The following IFT172 variants were observed in gnomAD, a reference collection of about 807,000 sequenced individuals.
IFT172 encodes intraflagellar transport 172.
IFT172 carries 164 observed loss-of-function variants against 248.9 expected under a neutral mutation model. That is an observed-to-expected ratio of 0.66 (90% CI 0.58 to 0.75). IFT172 has a LOEUF of 0.75. Among genes scored for constraint, IFT172 ranks in the 30% least tolerant of loss-of-function variants. The pLI, the probability that IFT172 is intolerant of heterozygous loss-of-function variation, is 0.00. For missense variants in IFT172, 1,950 were observed against 2,192.4 expected (o/e 0.89, Z 2.21); for synonymous variants, 729 against 791.6 (o/e 0.92, Z 1.33).
At chr2:27,470,438 C>G (rs1667475981) in intron 16 of IFT172, among the ~76,000 whole-genome samples, 1 of 152,196 alleles carries the variant, frequency 6.6e-6, no homozygotes, top group Non-Finnish European at 1.5e-5. Flanking sequence ...ATCAAGCGCT[C>G]TACCCATACA....
In IFT172 at chr2:27,444,471, C is replaced by T; in HGVS notation, c.5211G>A (p.Trp1737Ter). 6.2e-7 allele frequency: 1 copy of T among 1,613,676 alleles called. No homozygotes were observed. The change falls in exon 48 of 48, where the codon TGG becomes TGA. Residue 1737 changes from tryptophan to a stop codon, truncating the protein, a stop_gained. Coordinates refer to ENST00000260570, the MANE Select transcript of IFT172 (RefSeq NM_015662.3). LOFTEE classifies it high-confidence loss of function. Reference sequence around the variant, plus strand: ...AGCTGGTGCTGGGGAGCCCTCCACACCACTGACTGATGAATTTCAGCACGT... The same window carrying T: ...AGCTGGTGCTGGGGAGCCCTCCACATCACTGACTGATGAATTTCAGCACGT... ...CQDVLKFISQ[W>*]CGGLPSTSFS...
chr2:27,445,774 C>T lies in IFT172; in HGVS notation c.4885G>A (p.Val1629Met). The change falls in exon 45 of 48, where the codon GTG (valine) becomes ATG (methionine). Residue 1629 changes from valine (V) to methionine (M), a missense_variant. Physicochemically the swap from Val to Met is conservative, Grantham distance 21. Around this residue, in one of 3 missense-constraint regions of IFT172, gnomAD observed 620 missense variants for 699.0 expected, o/e 0.89. Coordinates refer to ENST00000260570, the MANE Select transcript of IFT172 (RefSeq NM_015662.3). This position sits in a 1 kb window ranked among gnomAD's most constrained non-coding sequence, Gnocchi z 4.4. ...DFQDTDIPFE[V>M]PLPAKQHVPE... ...ACATGCTGCTTAGCTGGGAGTGGCA[C>T]CTCAAAGGGAATGTCTGTATCCTGA... 1.2e-6 allele frequency: 2 copies of T among 1,614,144 alleles called. No homozygotes were observed. Among genetic ancestry groups the T allele is most frequent in the African/African-American group, 1.3e-5 (1 of 75,020 alleles).
At chr2:27,473,632 C>T (rs1667752209) in intron 14 of IFT172, among the ~76,000 whole-genome samples, 1 of 151,438 alleles carries the variant, frequency 6.6e-6, no homozygotes, top group Non-Finnish European at 1.5e-5. Flanking sequence ...TTTTAATGCC[C>T]CAATTATAAG....
chr2:27,481,963 T>G (rs996827528), intron 7 of IFT172, among the ~76,000 whole-genome samples: 11 of 151,910 alleles, frequency 7.2e-5, no homozygotes, highest in Non-Finnish European at 1.5e-4. Flanking sequence ...AGGGTCAAAT[T>G]TCAGTATTAT....
chr2:27,465,755 T>C lies in IFT172; in HGVS notation c.1820A>G (p.Asn607Ser), dbSNP rs757770112. The C allele has an allele frequency of 3.1e-6, 5 of 1,614,166 alleles. No individual in the cohort carries two copies. The highest frequency in any genetic ancestry group is 2.2e-5 in the South Asian group (2 of 91,070). Residue 607 changes from asparagine to serine, a missense_variant, in exon 17 of 48, where the codon AAC becomes AGC. Transcript: ENST00000260570. ...IEFGTAIDDG[N>S]YIRATAFLET... The stretch of plus-strand genomic sequence containing the variant: ...TTGGCCAGCCTCTCACCGGATGTAG[T>C]TGCCATCATCAATGGCTGTTCCAAA...
intron 33 of IFT172, 105 bp from the exon 34 acceptor site, chr2:27,453,844 TCTC>T (rs1022393534): frequency 5.8e-6 from 8 of 1,377,266 alleles, no homozygotes; most frequent in South Asian, 3.8e-5. Context: ...GGACCTCTCT[TCTC>T]CTCCTCTTTC....
rs767901253 is a variant in IFT172 at position 27,459,400 on chromosome 2, T to A, written c.2765A>T (p.Tyr922Phe). The A allele has an allele frequency of 1.2e-6, 2 of 1,614,150 alleles. No individual in the cohort carries two copies. The highest frequency in any genetic ancestry group is 2.2e-5 in the South Asian group (2 of 91,078). ...SKYYPLVAQH[Y>F]ASLQEYEIAE... ...CACCTCATACTCCTGCAGGGATGCA[T>A]AGTGTTGGGCCACGAGAGGATAGTA... is the stretch of plus-strand genomic sequence containing the variant. The change falls in exon 25 of 48, where the codon TAT becomes TTT. Residue 922 changes from tyrosine (Y) to phenylalanine (F), a missense_variant. By Grantham distance (22) the Tyr-to-Phe change is conservative. Transcript: ENST00000260570.
At position 27,454,388 on chromosome 2, in the gene IFT172, T is replaced by C. The variant is rs1461207792; in HGVS notation, c.3496A>G (p.Ile1166Val). 6.2e-7 allele frequency: 1 copy of C among 1,614,194 alleles called. No individual in the cohort carries two copies. Among genetic ancestry groups the C allele is most frequent in the Non-Finnish European group, 8.5e-7 (1 of 1,180,030 alleles). Residue 1166 changes from isoleucine to valine, a missense_variant, in exon 32 of 48, where the codon ATC (isoleucine) becomes GTC (valine). Ile to Val is a conservative substitution (Grantham distance 29). Coordinates refer to ENST00000260570, the MANE Select transcript of IFT172 (RefSeq NM_015662.3). The surrounding 1 kb of genome is among the most constrained non-coding windows in gnomAD (Gnocchi z 4.2). Reference protein sequence around the residue: ...GKFEEAEAEFIRAGKPKEAVL... With the variant: ...GKFEEAEAEFVRAGKPKEAVL... ...GCCTCCTTGGGTTTACCAGCTCTGA[T>C]GAATTCAGCTTCAGCCTCTTCGAAT...
At chr2:27,446,910 A>G (rs2148470753) in intron 42 of IFT172, among the ~76,000 whole-genome samples, 1 of 151,978 alleles carries the variant, frequency 6.6e-6, no homozygotes, top group African/African-American at 2.4e-5. Context: ...CTTGTTAGCC[A>G]GGATGGTCTC....
Position 27,461,395 on chromosome 2 carries a change from G to A in IFT172, c.2316C>T (p.Leu772=). Reference sequence around the variant, plus strand: ...TGGCAGGGAGCCCAGCTTTGAGGTAGAGGCTGATGGCTGCTAGCCCATCCC... The same window carrying A: ...TGGCAGGGAGCCCAGCTTTGAGGTAAAGGCTGATGGCTGCTAGCCCATCCC... ...SQGDGLAAIS[L]YLKAGLPAKA... Residue 772 remains leucine (L), a synonymous_variant, in exon 22 of 48, where the codon CTC becomes CTT. Transcript: ENST00000260570. 6.2e-7 allele frequency: 1 copy of A among 1,614,182 alleles called. No homozygotes were observed. Among genetic ancestry groups the A allele is most frequent in the Non-Finnish European group, 8.5e-7 (1 of 1,180,030 alleles).
In IFT172 at chr2:27,462,808, G is replaced by T. The variant is rs377630264; in HGVS notation, c.2023-15C>A. On this transcript the variant is annotated splice_polypyrimidine_tract_variant and intron_variant, in intron 19 of 47. Transcript: ENST00000260570. ...CCTTCTCCGCCCTGTGGGGGAAAAA[G>T]GAGGTTCTGATTTTTCTGTAGGTGC... is the stretch of plus-strand genomic sequence containing the variant. The T allele has an allele frequency of 6.4e-5, 103 of 1,613,230 alleles. No homozygotes were observed. The African/African-American group carries it at 1.3e-3, about 20-fold the overall frequency.
At position 27,472,304 on chromosome 2, in the gene IFT172, C is replaced by A; in HGVS notation, c.1470G>T (p.Trp490Cys). ...GTVSHESRVD[W>C]LELNETGHKL... ...TGTGTCCAGTCTCATTAAGTTCCAGCCAATCCACACGGCTCTCATGGCTGA... is the reference window on the plus strand; with the variant it reads ...TGTGTCCAGTCTCATTAAGTTCCAGACAATCCACACGGCTCTCATGGCTGA... Residue 490 changes from tryptophan to cysteine, a missense_variant, in exon 15 of 48, where the codon TGG becomes TGT. Trp to Cys is a radical substitution (Grantham distance 215). Around this residue, in one of 3 missense-constraint regions of IFT172, gnomAD observed 1,166 missense variants for 1,254.1 expected, o/e 0.93. Coordinates refer to ENST00000260570, the MANE Select transcript of IFT172 (RefSeq NM_015662.3). 1 of 1,614,126 alleles carries A rather than the reference C, an allele frequency of 6.2e-7. No homozygotes were observed. Among genetic ancestry groups the A allele is most frequent in the African/African-American group, 1.3e-5 (1 of 75,022 alleles).
intron 4 of IFT172, 123 bp from the exon 5 acceptor site, chr2:27,484,060 C>A: frequency 7.8e-7 from 1 of 1,275,716 alleles, no homozygotes; most frequent in South Asian, 1.2e-5. Context: ...CACAGCAGGG[C>A]TCTAAGGAAG....
rs555088443 is a variant in IFT172, at chr2:27,479,942, G to A, written c.909+84C>T. 26 of 1,501,948 alleles carry A rather than the reference G, an allele frequency of 1.7e-5. 1 individual carries two copies. The African/African-American group carries it at 3.1e-4, about 18-fold the overall frequency. The allele number at this position is 1,501,948 out of a possible 1,614,324, so 93.0% of individuals were successfully genotyped here. ...GGAAAGAGGAGATTCTATAGTGTCA[G>A]GGAACAGTGCTTTAGGATAAGGCAG... On this transcript the variant is annotated intron_variant, in intron 9 of 47. Coordinates refer to ENST00000260570, the MANE Select transcript of IFT172 (RefSeq NM_015662.3).
Position 27,453,750 on chromosome 2 carries a change from T to A in IFT172, c.3712-11A>T. ...CCATAATCCAGCCTCCTGCTCAGAT[T>A]TCCAGGTATCAAGAGGGCAGAGGCA... On this transcript the variant is annotated splice_polypyrimidine_tract_variant and intron_variant, in intron 33 of 47. Transcript: ENST00000260570. 6.2e-7 allele frequency: 1 copy of A among 1,609,146 alleles called. No individual in the cohort carries two copies. The highest frequency in any genetic ancestry group is 2.2e-5 in the East Asian group (1 of 44,872).
Position 27,453,885 on chromosome 2 carries a change from C to T in IFT172, c.3711+97G>A, listed in dbSNP as rs1665929928. 7.0e-6 allele frequency: 10 copies of T among 1,436,214 alleles called. No homozygotes were observed. The South Asian group carries it at 1.2e-4, about 18-fold the overall frequency. The allele number at this position is 1,436,214 out of a possible 1,614,324, so 89.0% of individuals were successfully genotyped here. On this transcript the variant is annotated intron_variant, in intron 33 of 47. Transcript: ENST00000260570. ...GTCTTCCCCACTCCCCAATACTAAC[C>T]TCCCTGATCTTTCTTCATACCAGGG...
intron 40 of IFT172, among the ~76,000 whole-genome samples, chr2:27,448,390 C>T (rs7580759): frequency 0.46 from 69,576 of 151,798 alleles, 17,236 homozygotes; most frequent in African/African-American, 0.65. Flanking sequence ...TGAGCCACTG[C>T]GCCCGGCCAA....
At chr2:27,444,664 T>TGTTC in intron 47 of IFT172, 143 bp from the exon 48 acceptor site, 1 of 704,124 alleles carries the variant, frequency 1.4e-6, no homozygotes, top group Non-Finnish European at 2.4e-6. Flanking sequence ...TTTGTTTGTT[T>TGTTC]TGAGACAAAG....
In IFT172 at chr2:27,461,795, G is replaced by A. The variant is rs778685800; in HGVS notation, c.2157C>T (p.His719=). 1.9e-6 allele frequency: 3 copies of A among 1,614,140 alleles called. No homozygotes were observed. In the East Asian group the frequency reaches 6.7e-5, roughly 36 times the overall value. The change falls in exon 21 of 48, where the codon CAC becomes CAT. Residue 719 remains histidine, a synonymous_variant. Coordinates refer to ENST00000260570, the MANE Select transcript of IFT172 (RefSeq NM_015662.3). ...EEAMGMYQEL[H]RWDECIAVAE... ...CCACAGCGATACACTCATCCCAACGGTGTAGCTCCTGGTACATGCCCATGG... is the reference window on the plus strand; with the variant it reads ...CCACAGCGATACACTCATCCCAACGATGTAGCTCCTGGTACATGCCCATGG...
Sources: allele counts gnomAD v4.1 joint callset (sites outside exome capture counted in the v4.1 genomes callset), GRCh38; gene constraint gnomAD v4.1.1; regional missense constraint gnomAD v4.1.1; non-coding constraint Gnocchi (gnomAD v3.1); transcripts MANE v1.5; gene names NCBI Gene and HGNC (gene_info 2026-07-23, HGNC 2026-07-21).